Variants in ENKUR observed in about 807,000 individuals in gnomAD.
ENKUR encodes the protein enkurin, TRPC channel interacting protein.
In ENKUR, 19 loss-of-function variants were observed where a neutral mutation model predicts 27.6. The ratio of observed to expected loss-of-function variants is 0.69; its 90% CI spans 0.48 to 1.01. ENKUR has a LOEUF of 1.01. Among genes scored for constraint, ENKUR ranks in the 50% least tolerant of loss-of-function variants. The probability of loss-of-function intolerance (pLI) is 0.00; values close to 1 mark genes in which losing one functional copy is unlikely to be tolerated. For missense variants in ENKUR, 312 were observed against 310.5 expected, an observed-to-expected ratio of 1.00 and a Z score of -0.04; for synonymous variants, 117 against 96.9, an observed-to-expected ratio of 1.21 and a Z score of -1.22.
At chr10:24,991,624 G>A (rs1035688942) in intron 3 of ENKUR, among the ~76,000 whole-genome samples, 1 of 152,094 alleles carries the variant, frequency 6.6e-6, no homozygotes, top group African/African-American at 2.4e-5. Flanking sequence ...CCGGCTCCAG[G>A]GAAAAACCAT....
At chr10:25,037,425 A>T (rs1344660604) in intron 2 of ENKUR, among the ~76,000 whole-genome samples, 1 of 152,198 alleles carries the variant, frequency 6.6e-6, no homozygotes, top group Non-Finnish European at 1.5e-5. Context: ...TCTGGCTTGG[A>T]AAATGAAGAA....
chr10:25,052,136 G>A (rs1851192919), intron 2 of ENKUR, among the ~76,000 whole-genome samples: 1 of 152,164 alleles, frequency 6.6e-6, no homozygotes, highest in Non-Finnish European at 1.5e-5. Context: ...ACCAACAGGA[G>A]GGACAGGCTG....
At chr10:24,995,540 A>G in intron 3 of ENKUR, 106 bp downstream of exon 3, 1 of 996,086 alleles carries the variant, frequency 1.0e-6, no homozygotes, top group Non-Finnish European at 1.5e-6. Flanking sequence ...AAAGTAGACA[A>G]TGTGTCCAAT....
chr10:25,010,859 G>C (rs577431406), intron 1 of ENKUR, among the ~76,000 whole-genome samples: 19 of 151,362 alleles, frequency 1.3e-4, no homozygotes, highest in African/African-American at 4.6e-4. Context: ...GGACATTTGG[G>C]TTGGTTCCAA....
At chr10:25,021,003 C>T (rs1850708149), upstream of ENKUR, among the ~76,000 whole-genome samples, 1 of 152,154 alleles carries the variant, frequency 6.6e-6, no homozygotes, top group Admixed American at 6.5e-5. Flanking sequence ...ATAATTCTTT[C>T]TGGTCCCTGG....
At chr10:25,056,603 G>A (rs188650471) in intron 2 of ENKUR, among the ~76,000 whole-genome samples, 1 of 152,246 alleles carries the variant, frequency 6.6e-6, no homozygotes, top group East Asian at 1.9e-4. Context: ...ATTGATGGGT[G>A]TTATTTCAAG....
At chr10:25,013,049 G>A (rs866186746) in intron 1 of ENKUR, among the ~76,000 whole-genome samples, 36 of 152,158 alleles carry the variant, frequency 2.4e-4, no homozygotes, top group African/African-American at 8.7e-4. Flanking sequence ...GAGATCTGAT[G>A]GTTTTATAAA....
At chr10:25,022,630 G>T (rs1330774504) in intron 2 of ENKUR, among the ~76,000 whole-genome samples, 1 of 152,112 alleles carries the variant, frequency 6.6e-6, no homozygotes, top group Non-Finnish European at 1.5e-5. Context: ...TTTTATTCTG[G>T]TTTCCTGTTA....
intron 3 of ENKUR, among the ~76,000 whole-genome samples, chr10:24,993,774 A>G (rs1374486627): frequency 6.6e-6 from 1 of 152,208 alleles, no homozygotes; most frequent in Non-Finnish European, 1.5e-5. Context: ...TGTTTCCATG[A>G]TGGATACTCC....
intron 2 of ENKUR, chr10:25,023,648 T>G: frequency 1.2e-6 from 2 of 1,614,178 alleles, no homozygotes; most frequent in Non-Finnish European, 1.7e-6. Flanking sequence ...GATGCTAGCA[T>G]GTGGCATCTG....
At chr10:25,023,921 C>G (rs1326236753) in intron 2 of ENKUR, 2 of 1,614,044 alleles carry the variant, frequency 1.2e-6, no homozygotes, top group Non-Finnish European at 1.7e-6. Flanking sequence ...ACATTCATTT[C>G]AACAAGACAC....
At chr10:24,998,488 C>T (rs947338680) in intron 2 of ENKUR, among the ~76,000 whole-genome samples, 7 of 151,992 alleles carry the variant, frequency 4.6e-5, no homozygotes, top group Non-Finnish European at 7.4e-5. Context: ...GATCCTTCCA[C>T]ATCAGCCTCC....
At chr10:25,042,581 C>T (rs1024311517) in intron 2 of ENKUR, among the ~76,000 whole-genome samples, 5 of 151,998 alleles carry the variant, frequency 3.3e-5, no homozygotes, top group Non-Finnish European at 5.9e-5. Context: ...AGATGTGAGC[C>T]ACCATGCCTG....
rs375147184 is a variant in ENKUR, at chr10:25,033,539, G to T, written c.37+27573C>A. ...TTAGGGAAACTCATTTCAACTTTGC[G>T]TAACCCTTTCTTCCCAAACTTCTTT... is the stretch of plus-strand genomic sequence containing the variant. On this transcript the variant is annotated intron_variant, in intron 2 of 5. Coordinates refer to the ENKUR transcript ENST00000615958. Among the ~76,000 whole-genome samples, 4 of 150,992 alleles carry T rather than the reference G, an allele frequency of 2.6e-5. No homozygotes were observed. The East Asian group carries it at 7.8e-4, about 29-fold the overall frequency.
At chr10:25,038,151 A>G (rs114172489) in intron 2 of ENKUR, among the ~76,000 whole-genome samples, 1,995 of 152,188 alleles carry the variant, frequency 0.013, 57 homozygotes, top group African/African-American at 0.045. Context: ...TGTCTTGTGA[A>G]TTGTTTTGTT....
intron 1 of ENKUR, among the ~76,000 whole-genome samples, chr10:25,007,128 T>C (rs542756903): frequency 3.3e-5 from 5 of 152,334 alleles, no homozygotes; most frequent in Non-Finnish European, 5.9e-5. Flanking sequence ...TGAGTCATCA[T>C]GTCTAGACAG....
chr10:25,057,034 C>A (rs1287868306), intron 2 of ENKUR, among the ~76,000 whole-genome samples: 2 of 152,154 alleles, frequency 1.3e-5, no homozygotes. Context: ...GCATTCTTCT[C>A]CAAGATCAGA....
At chr10:25,017,102 T>C (rs1463156177), upstream of ENKUR, among the ~76,000 whole-genome samples, 2 of 152,226 alleles carry the variant, frequency 1.3e-5, no homozygotes, top group African/African-American at 2.4e-5. Context: ...GTCGGGACTC[T>C]TCCTCTAGGT....
At chr10:25,059,871 A>G (rs79145157) in intron 2 of ENKUR, among the ~76,000 whole-genome samples, 3,521 of 151,342 alleles carry the variant, frequency 0.023, 155 homozygotes, top group African/African-American at 0.081. Flanking sequence ...GTGGGGATGG[A>G]AGGAGGCTAT....
Sources: gnomAD v4.1 joint callset for allele counts (sites outside exome capture counted in the v4.1 genomes callset) on GRCh38, gnomAD v4.1.1 for gene constraint, MANE v1.5 for transcripts, NCBI Gene and HGNC (gene_info 2026-07-23, HGNC 2026-07-21) for gene names.